Variants in CRACD observed in about 807,000 individuals in gnomAD.
The protein encoded by CRACD is capping protein-inhibiting regulator of actin dynamics.
A neutral mutation model predicts 106.8 loss-of-function variants in CRACD; 56 were observed. The observed-to-expected ratio is 0.52, with a 90% CI of 0.42 to 0.66. The LOEUF (loss-of-function observed/expected upper bound fraction) is 0.66, where lower values mean the gene tolerates loss of function less well. CRACD is among the 30% of genes least tolerant of loss of function. The pLI is 0.00. For missense variants in CRACD, 1,730 were observed against 1,623.2 expected (o/e 1.07, Z -1.13); for synonymous variants, 754 against 670.8 (o/e 1.12, Z -1.92).
intron 1 of CRACD, among the ~76,000 whole-genome samples, chr4:56,060,121 C>T (rs1408695365): frequency 6.6e-6 from 1 of 152,176 alleles, no homozygotes; most frequent in Non-Finnish European, 1.5e-5. Flanking sequence ...CCCTTTCTAG[C>T]AGTATCAGAT....
intron 2 of CRACD, among the ~76,000 whole-genome samples, chr4:56,253,572 A>C (rs887209493): frequency 6.6e-6 from 1 of 152,242 alleles, no homozygotes; most frequent in Non-Finnish European, 1.5e-5. Flanking sequence ...AATAGTACAC[A>C]AAAATGTCAT....
At chr4:56,208,814 A>G (rs1254625624) in intron 2 of CRACD, among the ~76,000 whole-genome samples, 1 of 152,194 alleles carries the variant, frequency 6.6e-6, no homozygotes, top group African/African-American at 2.4e-5. Context: ...CACTTGATCA[A>G]AATAGGGTCA....
At chr4:56,063,437 A>G (rs758586185) in intron 1 of CRACD, among the ~76,000 whole-genome samples, 3 of 152,228 alleles carry the variant, frequency 2.0e-5, no homozygotes, top group Non-Finnish European at 4.4e-5. Context: ...GTTCATTGGC[A>G]TTAAGTACAT....
intron 2 of CRACD, among the ~76,000 whole-genome samples, chr4:56,207,018 G>A (rs1024135909): frequency 6.6e-6 from 1 of 152,180 alleles, no homozygotes; most frequent in Non-Finnish European, 1.5e-5. Flanking sequence ...ATAATACCAC[G>A]AGTTTGGAGT....
chr4:56,099,095 G>C (rs1226570155), intron 1 of CRACD, among the ~76,000 whole-genome samples: 1 of 152,202 alleles, frequency 6.6e-6, no homozygotes, highest in Non-Finnish European at 1.5e-5. Context: ...ACAGGTGACA[G>C]TTTAGATTTC....
chr4:56,123,961 G>A (rs188139387), intron 1 of CRACD, among the ~76,000 whole-genome samples: 23 of 148,474 alleles, frequency 1.5e-4, no homozygotes, highest in African/African-American at 4.8e-4. Context: ...TTTTTTATAC[G>A]GAGTCTTGCT....
At chr4:56,280,289 A>T (rs1383583693) in intron 3 of CRACD, among the ~76,000 whole-genome samples, 2 of 151,826 alleles carry the variant, frequency 1.3e-5, no homozygotes, top group Non-Finnish European at 2.9e-5. Flanking sequence ...AACTTAAAGT[A>T]TAATAAAAAG....
chr4:56,328,450 G>A lies in CRACD; in HGVS notation c.*646G>A, dbSNP rs1409705932. Reference sequence around the variant, plus strand: ...ACCGCACTGTGGATTCATAGTGTGGGGCCCTGTTATTCCAATACCCTCCTT... The same window carrying A: ...ACCGCACTGTGGATTCATAGTGTGGAGCCCTGTTATTCCAATACCCTCCTT... On this transcript the variant is annotated 3_prime_UTR_variant, in exon 11 of 11. Coordinates refer to ENST00000682029, the MANE Select transcript of CRACD (RefSeq NM_001393381.1). 2 of 514,810 alleles carry A rather than the reference G, an allele frequency of 3.9e-6. No individual in the cohort carries two copies. The highest frequency in any genetic ancestry group is 7.7e-6 in the Non-Finnish European group (2 of 258,118). 31.9% of individuals were successfully genotyped at this position (514,810 alleles called of 1,614,324 possible).
intron 2 of CRACD, among the ~76,000 whole-genome samples, chr4:56,200,076 A>G (rs891267842): frequency 2.0e-5 from 3 of 150,440 alleles, no homozygotes; most frequent in African/African-American, 7.3e-5. Context: ...TTTCACCTTT[A>G]TGTTGGTGAT....
intron 5 of CRACD, among the ~76,000 whole-genome samples, chr4:56,309,786 A>G (rs1745006300): frequency 6.6e-6 from 1 of 152,174 alleles, no homozygotes; most frequent in Non-Finnish European, 1.5e-5. Flanking sequence ...GCCAGGAGGC[A>G]GAGGTTGCAG....
chr4:56,181,610 A>G (rs1577717935), intron 2 of CRACD, among the ~76,000 whole-genome samples: 1 of 152,296 alleles, frequency 6.6e-6, no homozygotes, highest in East Asian at 1.9e-4. Flanking sequence ...TGTAGGCTAG[A>G]AGTCCAAAAT....
chr4:56,095,309 A>G (rs1733563136), intron 1 of CRACD, among the ~76,000 whole-genome samples: 2 of 152,156 alleles, frequency 1.3e-5, no homozygotes, highest in Non-Finnish European at 2.9e-5. Context: ...CTAACATTTT[A>G]GTTGGGGAAG....
intron 2 of CRACD, chr4:56,215,995 G>C (rs938825504): frequency 6.6e-6 from 1 of 152,242 alleles, no homozygotes; most frequent in Non-Finnish European, 1.5e-5. Flanking sequence ...TGCTTTCCTT[G>C]TTCAGCCCAC....
chr4:56,319,857 A>T (rs1462194778), intron 8 of CRACD, among the ~76,000 whole-genome samples: 3 of 138,238 alleles, frequency 2.2e-5, no homozygotes, highest in Non-Finnish European at 4.9e-5. Context: ...AACAGCAATG[A>T]TAATCCCCAT....
chr4:56,166,358 A>C (rs761360425), intron 1 of CRACD, among the ~76,000 whole-genome samples: 3 of 152,172 alleles, frequency 2.0e-5, no homozygotes, highest in Non-Finnish European at 4.4e-5. Flanking sequence ...TAAGTGTCCA[A>C]CAACAGATGA....
intron 2 of CRACD, among the ~76,000 whole-genome samples, chr4:56,255,482 A>T (rs76586859): frequency 8.8e-6 from 1 of 113,930 alleles, no homozygotes; most frequent in Admixed American, 1.1e-4. Context: ...CTGACTCTTT[A>T]AAAAAAAAAA....
intron 2 of CRACD, among the ~76,000 whole-genome samples, chr4:56,226,059 G>A (rs1332214525): frequency 6.6e-6 from 1 of 152,190 alleles, no homozygotes; most frequent in Non-Finnish European, 1.5e-5. Flanking sequence ...GGGCCTGAAT[G>A]AGCAAAATAG....
At chr4:56,174,616 AT>A (rs962169253) in intron 1 of CRACD, among the ~76,000 whole-genome samples, 13 of 152,192 alleles carry the variant, frequency 8.5e-5, no homozygotes, top group African/African-American at 3.1e-4. Flanking sequence ...ACAGGATTTC[AT>A]TTTTTATGGC....
intron 1 of CRACD, among the ~76,000 whole-genome samples, chr4:56,099,617 C>T (rs1238526629): frequency 6.6e-6 from 1 of 152,086 alleles, no homozygotes; most frequent in Non-Finnish European, 1.5e-5. Flanking sequence ...CTTACAGGCT[C>T]AAGAAAGGAG....
Sources: gnomAD v4.1 joint callset for allele counts (sites outside exome capture counted in the v4.1 genomes callset) on GRCh38, gnomAD v4.1.1 for gene constraint, MANE v1.5 for transcripts, NCBI Gene and HGNC (gene_info 2026-07-23, HGNC 2026-07-21) for gene names.